The following FNBP1 variants were observed in gnomAD, a reference collection of about 807,000 sequenced individuals.
FNBP1 encodes the protein formin binding protein 1.
Under a neutral mutation model 90.6 loss-of-function variants are expected in FNBP1, and 26 were observed. The observed-to-expected ratio is 0.29, with a 90% CI of 0.21 to 0.40. FNBP1 has a LOEUF of 0.40. Ranked by LOEUF, FNBP1 falls within the 10% of genes least tolerant of loss-of-function variation. FNBP1 has a pLI of 1.00. For missense variants in FNBP1, 635 were observed against 768.0 expected, an observed-to-expected ratio of 0.83 and a Z score of 2.05; for synonymous variants, 260 against 265.2, an observed-to-expected ratio of 0.98 and a Z score of 0.19.
Position 129,900,285 on chromosome 9 carries a change from G to A in FNBP1, c.1550+141C>T. The A allele has an allele frequency of 8.9e-7, 1 of 1,129,910 alleles. No homozygotes were observed. The highest frequency in any genetic ancestry group is 1.2e-6 in the Non-Finnish European group (1 of 828,162). 70.0% of individuals were successfully genotyped at this position (1,129,910 alleles called of 1,614,324 possible). On this transcript the variant is annotated intron_variant, in intron 14 of 16. Coordinates refer to ENST00000446176, the MANE Select transcript of FNBP1 (RefSeq NM_015033.3). The surrounding 1 kb of genome is among the most constrained non-coding windows in gnomAD (Gnocchi z 4.1). Reference sequence around the variant, plus strand: ...ATGTGGAATTATAAATCTGCATCATGGAAAAAGTGACAGGTCAATCGCAAC... The same window carrying A: ...ATGTGGAATTATAAATCTGCATCATAGAAAAAGTGACAGGTCAATCGCAAC...
intron 1 of FNBP1, among the ~76,000 whole-genome samples, chr9:130,010,887 T>G (rs1157067317): frequency 6.6e-6 from 1 of 151,412 alleles, no homozygotes; most frequent in Non-Finnish European, 1.5e-5. Context: ...AGAGTGCTAA[T>G]GAGCACTCTA....
intron 1 of FNBP1, among the ~76,000 whole-genome samples, chr9:130,005,373 G>A (rs1452683722): frequency 7.4e-6 from 1 of 135,126 alleles, no homozygotes; most frequent in Admixed American, 8.1e-5. Flanking sequence ...ACGGAGTCTC[G>A]CTCTGTTGCA....
chr9:129,953,811 GAGA>G (rs896773530), intron 6 of FNBP1, among the ~76,000 whole-genome samples: 9 of 150,560 alleles, frequency 6.0e-5, no homozygotes, highest in African/African-American at 2.2e-4. Context: ...ATGATAGAAG[GAGA>G]AGGAGGGGAA....
At chr9:130,043,590 A>T (rs748276910), upstream of FNBP1, among the ~76,000 whole-genome samples, 3 of 152,242 alleles carry the variant, frequency 2.0e-5, no homozygotes, top group Non-Finnish European at 4.4e-5. Flanking sequence ...CGCGCCGAGC[A>T]GAGTCAGCCC....
At position 129,914,842 on chromosome 9, in the gene FNBP1, C is replaced by G. The variant is rs1459115569; in HGVS notation, c.1185+1124G>C. 1.1e-5 allele frequency: 4 copies of G among 377,768 alleles called. 1 individual carries two copies. The highest frequency in any genetic ancestry group is 2.2e-5 in the Non-Finnish European group (4 of 183,422). 23.4% of individuals were successfully genotyped at this position (377,768 alleles called of 1,614,324 possible). ...GGTTATCAATAGTGTGCTTATAGTG[C>G]TGATCTTACTCCTAGTAGAACTGTC... On this transcript the variant is annotated intron_variant, in intron 11 of 16. Transcript: ENST00000446176.
intron 4 of FNBP1, among the ~76,000 whole-genome samples, chr9:129,962,146 C>G (rs1206957398): frequency 6.6e-6 from 1 of 152,176 alleles, no homozygotes; most frequent in East Asian, 1.9e-4. Context: ...GGCACAGCTC[C>G]AGTCAGGCAG....
At chr9:129,945,266 C>A (rs1236673628) in intron 6 of FNBP1, among the ~76,000 whole-genome samples, 3 of 152,062 alleles carry the variant, frequency 2.0e-5, no homozygotes, top group Non-Finnish European at 1.5e-5. Context: ...TAATAAAATT[C>A]TTTATACTTT....
At chr9:129,933,807 G>A (rs899533383) in intron 6 of FNBP1, among the ~76,000 whole-genome samples, 2 of 152,098 alleles carry the variant, frequency 1.3e-5, no homozygotes, top group Admixed American at 6.6e-5. Context: ...TGATACATCA[G>A]ATTCTCCAAA....
At position 129,994,837 on chromosome 9, in the gene FNBP1, A is replaced by G. The variant is rs1325881199; in HGVS notation, c.140+6T>C. On this transcript the variant is annotated splice_donor_region_variant and intron_variant, in intron 2 of 16. Coordinates refer to ENST00000446176, the MANE Select transcript of FNBP1 (RefSeq NM_015033.3). ...TAACAAATAACCTTTTTCAATATCA[A>G]CTTACCTGAGTTGCTTTGCATAGCT... 1 of 1,423,730 alleles carries G rather than the reference A, an allele frequency of 7.0e-7. No individual in the cohort carries two copies. Among genetic ancestry groups the G allele is most frequent in the African/African-American group, 1.4e-5 (1 of 71,046 alleles). The allele number at this position is 1,423,730 out of a possible 1,614,324, so 88.2% of individuals were successfully genotyped here.
intron 4 of FNBP1, among the ~76,000 whole-genome samples, chr9:129,963,557 C>T (rs958122960): frequency 2.6e-5 from 4 of 151,506 alleles, no homozygotes; most frequent in African/African-American, 9.7e-5. Flanking sequence ...CAATTATCAT[C>T]GTACCATTTC....
chr9:129,978,689 A>G (rs2050728715), intron 3 of FNBP1, 77 bp from the exon 4 acceptor site: 1 of 1,438,666 alleles, frequency 7.0e-7, no homozygotes, highest in East Asian at 2.3e-5. Flanking sequence ...CCAAGAAAAT[A>G]TTAATTAAAA....
chr9:129,958,969 C>G (rs1402244469), intron 4 of FNBP1, among the ~76,000 whole-genome samples: 4 of 9,218 alleles, frequency 4.3e-4, no homozygotes, highest in East Asian at 3.7e-3. Context: ...CTGGATGACA[C>G]AGTGAAACTC....
intron 6 of FNBP1, among the ~76,000 whole-genome samples, chr9:129,956,724 C>G (rs1193222020): frequency 6.6e-6 from 1 of 152,144 alleles, no homozygotes; most frequent in Non-Finnish European, 1.5e-5. Context: ...GTCCTGTCTC[C>G]TCCGGCTCTC....
chr9:129,943,384 C>CTTTTTTT (rs11415197), intron 6 of FNBP1, among the ~76,000 whole-genome samples: 17 of 102,646 alleles, frequency 1.7e-4, no homozygotes, highest in South Asian at 3.4e-4. Flanking sequence ...TCATTAATTG[C>CTTTTTTT]TTTTTTTTTT....
chr9:129,939,142 A>G (rs2043942282), intron 6 of FNBP1, among the ~76,000 whole-genome samples: 1 of 152,116 alleles, frequency 6.6e-6, no homozygotes, highest in African/African-American at 2.4e-5. Context: ...TAATCCCAGC[A>G]CTTTGGGAGG....
intron 15 of FNBP1, among the ~76,000 whole-genome samples, chr9:129,899,716 G>T (rs992656471): frequency 6.8e-6 from 1 of 146,590 alleles, no homozygotes; most frequent in Non-Finnish European, 1.5e-5. Flanking sequence ...GCAAGAGAGC[G>T]AGACCCTGTA....
intron 1 of FNBP1, among the ~76,000 whole-genome samples, chr9:130,026,219 G>C (rs2058325280): frequency 6.6e-6 from 1 of 152,218 alleles, no homozygotes; most frequent in East Asian, 1.9e-4. Context: ...AATTGGCCAG[G>C]CACGGTGGCT....
At chr9:130,014,260 T>C (rs2056982336) in intron 1 of FNBP1, among the ~76,000 whole-genome samples, 1 of 151,102 alleles carries the variant, frequency 6.6e-6, no homozygotes, top group African/African-American at 2.4e-5. Flanking sequence ...TTTTTTTTTT[T>C]TTTCTTTTTG....
At chr9:130,003,378 C>T (rs35286976) in intron 1 of FNBP1, among the ~76,000 whole-genome samples, 1 of 151,688 alleles carries the variant, frequency 6.6e-6, no homozygotes, top group Admixed American at 6.6e-5. Context: ...CTGAAGCCAG[C>T]GGATCACTTT....
Sources: allele counts gnomAD v4.1 joint callset (sites outside exome capture counted in the v4.1 genomes callset), GRCh38; gene constraint gnomAD v4.1.1; non-coding constraint Gnocchi (gnomAD v3.1); transcripts MANE v1.5; gene names NCBI Gene and HGNC (gene_info 2026-07-23, HGNC 2026-07-21).